SLC4A2: variants seen among roughly 807,000 people sequenced by gnomAD.
SLC4A2 encodes the protein anion exchange protein 2.
A neutral mutation model predicts 115.0 loss-of-function variants in SLC4A2; 36 were observed. The ratio of observed to expected loss-of-function variants is 0.31; its 90% CI spans 0.24 to 0.41. SLC4A2 has a LOEUF of 0.41. Among genes scored for constraint, SLC4A2 ranks in the 10% least tolerant of loss-of-function variants. SLC4A2 has a pLI of 1.00. For missense variants in SLC4A2, 1,252 were observed against 1,705.6 expected, an observed-to-expected ratio of 0.73 and a Z score of 4.68; for synonymous variants, 708 against 708.3, an observed-to-expected ratio of 1.00 and a Z score of 0.01.
chr7:151,075,080 T>C, intron 19 of SLC4A2, 175 bp from the exon 20 acceptor site: 1 of 1,027,358 alleles, frequency 9.7e-7, no homozygotes, highest in South Asian at 1.4e-5. Context: ...TCATGGACGA[T>C]AAGGGCTGGG....
At position 151,074,851 on chromosome 7, in the gene SLC4A2, C is replaced by T; in HGVS notation, c.3047+10C>T. ...AGACACAGATCACCACGTGAGTGGT[C>T]CTAGCCAAAGGGGTGTGAGAGGCCA... On this transcript the variant is annotated intron_variant, in intron 19 of 22. Coordinates refer to ENST00000413384, the MANE Select transcript of SLC4A2 (RefSeq NM_003040.4). The T allele has an allele frequency of 2.5e-6, 4 of 1,594,158 alleles. No homozygotes were observed. The highest frequency in any genetic ancestry group is 3.4e-6 in the Non-Finnish European group (4 of 1,170,248).
chr7:151,070,720 C>A lies in SLC4A2; in HGVS notation c.1565-7C>A. 6.2e-7 allele frequency: 1 copy of A among 1,612,690 alleles called. No individual in the cohort carries two copies. On this transcript the variant is annotated splice_polypyrimidine_tract_variant and splice_region_variant and intron_variant, in intron 11 of 22. Coordinates refer to ENST00000413384, the MANE Select transcript of SLC4A2 (RefSeq NM_003040.4). ...TGCTCTTGCCCACGATGGTCCCACGCCCCTAGGCTGCGTGGAGTTCCTCTC... is the reference window on the plus strand; with the variant it reads ...TGCTCTTGCCCACGATGGTCCCACGACCCTAGGCTGCGTGGAGTTCCTCTC...
At chr7:151,065,075 A>G (rs1046629293) in intron 5 of SLC4A2, 109 bp downstream of exon 5, 11 of 823,728 alleles carry the variant, frequency 1.3e-5, no homozygotes, top group Non-Finnish European at 2.3e-5. Context: ...CCAGGGTTCA[A>G]ATCCCAGGCC....
chr7:151,062,466 C>G (rs1257602938), intron 2 of SLC4A2: 3 of 1,275,094 alleles, frequency 2.4e-6, no homozygotes, highest in East Asian at 5.5e-5. Context: ...TCCCTGCCCC[C>G]ACGTGGCCAC....
rs141110225 is a variant in SLC4A2, at chr7:151,064,575, G to A, written c.267G>A (p.Leu89=). The stretch of plus-strand genomic sequence containing the variant: ...TCCATCACCCACTGTCCACCCACCT[G>A]CCTCCGGATGCACGCCGCCGCAAGA... ...HHIHHPLSTH[L]PPDARRRKTP... is the part of the protein sequence containing the mutation. Residue 89 remains leucine, a synonymous_variant, in exon 4 of 23, where the codon CTG becomes CTA. Coordinates refer to ENST00000413384, the MANE Select transcript of SLC4A2 (RefSeq NM_003040.4). The A allele has an allele frequency of 4.9e-5, 79 of 1,612,424 alleles. No individual in the cohort carries two copies. In the African/African-American group the frequency reaches 9.4e-4, roughly 19 times the overall value.
intron 7 of SLC4A2, among the ~76,000 whole-genome samples, chr7:151,067,380 C>T (rs1290957009): frequency 6.6e-6 from 1 of 152,216 alleles, no homozygotes; most frequent in Non-Finnish European, 1.5e-5. Flanking sequence ...GCTGCCGCGC[C>T]GGGCCCAGGG....
At position 151,064,726 on chromosome 7, in the gene SLC4A2, C is replaced by T; in HGVS notation, c.418C>T (p.Leu140Phe). The part of the protein sequence containing the change: ...EASEAEGARA[L>F]TQPSPVSTPS... ...CAGCGAGGCTGAGGGGGCCCGGGCT[C>T]TCACTCAGCCGTCCCCTGTCTCCAC... The change falls in exon 4 of 23, where the codon CTC (leucine) becomes TTC (phenylalanine). Residue 140 changes from leucine to phenylalanine, a missense_variant. Transcript: ENST00000413384. 13 of 1,612,022 alleles carry T rather than the reference C, an allele frequency of 8.1e-6. No individual in the cohort carries two copies. Among genetic ancestry groups the T allele is most frequent in the Non-Finnish European group, 1.1e-5 (13 of 1,178,786 alleles).
chr7:151,067,027 T>G (rs768465387), intron 7 of SLC4A2, 34 bp downstream of exon 7: 46 of 1,548,614 alleles, frequency 3.0e-5, no homozygotes, highest in Non-Finnish European at 3.7e-5. Flanking sequence ...TTCCATCAAC[T>G]TCCCACACGA....
intron 2 of SLC4A2, chr7:151,062,872 T>C: frequency 7.2e-7 from 1 of 1,387,540 alleles, no homozygotes; most frequent in Non-Finnish European, 9.3e-7. Flanking sequence ...CAGTCCCAGC[T>C]GCTCCAGTCC....
At chr7:151,074,338 GGGTGGCAGGAAGTCAGCGGCTGT>G (rs1005382116) in intron 17 of SLC4A2, 38 bp from the exon 18 acceptor site, 2 of 1,610,652 alleles carry the variant, frequency 1.2e-6, no homozygotes, top group Non-Finnish European at 1.7e-6. Flanking sequence ...GCAGGAAGGG[GGGTGGCAGGAAGTCAGCGGCTGT>G]GGTGGCAGGA....
At position 151,061,964 on chromosome 7, in the gene SLC4A2, A is replaced by T. The variant is rs897410167; in HGVS notation, c.-24A>T. Reference sequence around the variant, plus strand: ...TCGTTGCCCTGAAAGCCGCAGCGACAGCGAAAAGGGCTAAGATTCGGCCAT... The same window carrying T: ...TCGTTGCCCTGAAAGCCGCAGCGACTGCGAAAAGGGCTAAGATTCGGCCAT... On this transcript the variant is annotated 5_prime_UTR_variant, in exon 2 of 23. Coordinates refer to ENST00000413384, the MANE Select transcript of SLC4A2 (RefSeq NM_003040.4). The T allele has an allele frequency of 1.2e-6, 2 of 1,608,094 alleles. No homozygotes were observed. Among genetic ancestry groups the T allele is most frequent in the Non-Finnish European group, 1.7e-6 (2 of 1,178,730 alleles).
intron 5 of SLC4A2, among the ~76,000 whole-genome samples, 161 bp downstream of exon 5, chr7:151,065,127 A>AG (rs1355730417): frequency 6.6e-6 from 1 of 152,192 alleles, no homozygotes; most frequent in Non-Finnish European, 1.5e-5. Flanking sequence ...AAGCTCTCCA[A>AG]GCCCCAGGTT....
Position 151,067,376 on chromosome 7 carries a change from G to T in SLC4A2, c.966+383G>T, listed in dbSNP as rs191647608. On this transcript the variant is annotated intron_variant, in intron 7 of 22. Transcript: ENST00000413384. ...GCTAGGATTACAGGCATGAGCTGCC[G>T]CGCCGGGCCCAGGGATGCCACCTTT... Among the ~76,000 whole-genome samples, 332 of 152,296 alleles carry T rather than the reference G, an allele frequency of 2.2e-3. 1 individual carries two copies. Among genetic ancestry groups the T allele is most frequent in the Admixed American group, 5.5e-3 (84 of 15,302 alleles).
intron 16 of SLC4A2, among the ~76,000 whole-genome samples, chr7:151,072,734 C>T (rs923743917): frequency 6.6e-6 from 1 of 151,536 alleles, no homozygotes; most frequent in African/African-American, 2.4e-5. Context: ...TCTCTGCTCA[C>T]TGCAACCTCT....
At position 151,066,599 on chromosome 7, in the gene SLC4A2, C is replaced by T. The variant is rs760204657; in HGVS notation, c.661C>T (p.Arg221Cys). 1.2e-5 allele frequency: 19 copies of T among 1,548,050 alleles called. No individual in the cohort carries two copies. The highest frequency in any genetic ancestry group is 2.1e-4 in the Middle Eastern group (1 of 4,668). Residue 221 changes from arginine to cysteine, a missense_variant, in exon 6 of 23, where the codon CGC (arginine) becomes TGC (cysteine). By Grantham distance (180) the Arg-to-Cys change is radical. This residue lies in a region of SLC4A2 where 215 missense variants were observed against 205.2 expected (regional missense o/e 1.05). Transcript: ENST00000413384. ...GGGTGACGACGGGGGTGCCTCGGGG[C>T]GCCCCCTGCCCAAAGCCCAGCCTGG... ...AGGDDGGASG[R>C]PLPKAQPGHR...
At position 151,076,177 on chromosome 7, in the gene SLC4A2, G is replaced by T; in HGVS notation, c.3636G>T (p.Glu1212Asp). 2 of 1,611,664 alleles carry T rather than the reference G, an allele frequency of 1.2e-6. No individual in the cohort carries two copies. The highest frequency in any genetic ancestry group is 2.2e-5 in the South Asian group (2 of 91,084). Residue 1212 changes from glutamate (E) to aspartate (D), a missense_variant, in exon 22 of 23, where the codon GAG (glutamate) becomes GAT (aspartate). Physicochemically the swap from Glu to Asp is conservative, Grantham distance 45. Around this residue, in one of 14 missense-constraint regions of SLC4A2, gnomAD observed 52 missense variants for 40.6 expected, o/e 1.28. Coordinates refer to ENST00000413384, the MANE Select transcript of SLC4A2 (RefSeq NM_003040.4). Reference sequence around the variant, plus strand: ...TCACCCGTATCTTCACCGACCGAGAGATGAAATGTGTAAGCCCTCCCGTCT... The same window carrying T: ...TCACCCGTATCTTCACCGACCGAGATATGAAATGTGTAAGCCCTCCCGTCT... The part of the protein sequence containing the change: ...VVLTRIFTDR[E>D]MKCLDANEAE...
intron 7 of SLC4A2, among the ~76,000 whole-genome samples, chr7:151,067,656 T>C (rs538330566): frequency 1.3e-5 from 2 of 152,282 alleles, no homozygotes; most frequent in East Asian, 3.9e-4. Context: ...TTGAGGTGGG[T>C]ATTATTCCCA....
Position 151,067,876 on chromosome 7 carries a change from G to T in SLC4A2, c.969G>T (p.Val323=). 1 of 1,612,184 alleles carries T rather than the reference G, an allele frequency of 6.2e-7. No homozygotes were observed. Among genetic ancestry groups the T allele is most frequent in the Non-Finnish European group, 8.5e-7 (1 of 1,179,364 alleles). ...RPRAPHKPHE[V]FVELNELLLD... is the part of the protein sequence containing the mutation. The stretch of plus-strand genomic sequence containing the variant: ...ATGCCTTCTCTTCTCTCCCCAAGGT[G>T]TTTGTGGAGCTGAATGAGTTGCTCC... The change falls in exon 8 of 23, where the codon GTG becomes GTT. Residue 323 remains valine, a splice_region_variant and synonymous_variant. Transcript: ENST00000413384.
upstream of SLC4A2, chr7:151,059,015 T>C (rs569697459): frequency 6.6e-6 from 1 of 152,314 alleles, no homozygotes; most frequent in East Asian, 1.9e-4. This position sits in a 1 kb window ranked among gnomAD's most constrained non-coding sequence, Gnocchi z 5.8. Flanking sequence ...GTGATTTCGT[T>C]GGGCAAAAAA....
Sources: allele counts gnomAD v4.1 joint callset (sites outside exome capture counted in the v4.1 genomes callset), GRCh38; gene constraint gnomAD v4.1.1; regional missense constraint gnomAD v4.1.1; non-coding constraint Gnocchi (gnomAD v3.1); transcripts MANE v1.5; gene names NCBI Gene and HGNC (gene_info 2026-07-23, HGNC 2026-07-21).